Variants in SLC35F1 observed in about 807,000 individuals in gnomAD.
The protein encoded by SLC35F1 is solute carrier family 35 member F1.
A neutral mutation model predicts 48.7 loss-of-function variants in SLC35F1; 14 were observed. The observed-to-expected ratio is 0.29, with a 90% confidence interval of 0.19 to 0.45. The LOEUF (loss-of-function observed/expected upper bound fraction) is 0.45, where lower values mean the gene tolerates loss of function less well. Among genes scored for constraint, SLC35F1 ranks in the 20% least tolerant of loss-of-function variants. The pLI is 1.00. For missense variants in SLC35F1, 404 were observed against 500.0 expected (o/e 0.81, Z 1.83); for synonymous variants, 190 against 202.2 (o/e 0.94, Z 0.51).
chr6:118,134,927 T>C (rs564167351), intron 1 of SLC35F1, among the ~76,000 whole-genome samples: 132 of 152,334 alleles, frequency 8.7e-4, no homozygotes, highest in Non-Finnish European at 1.5e-3. Flanking sequence ...AAAGTTTGAA[T>C]GTTTACTTCC....
At chr6:118,015,160 A>T (rs902074798) in intron 1 of SLC35F1, among the ~76,000 whole-genome samples, 1 of 152,160 alleles carries the variant, frequency 6.6e-6, no homozygotes, top group Non-Finnish European at 1.5e-5. Context: ...CCTCCCAGCC[A>T]TGTGGAACTG....
At chr6:117,923,605 A>ATGCATATATG (rs1554216645) in intron 1 of SLC35F1, among the ~76,000 whole-genome samples, 1 of 23,226 alleles carries the variant, frequency 4.3e-5, no homozygotes, top group African/African-American at 2.1e-4. Flanking sequence ...ATGTGTATAT[A>ATGCATATATG]TACATATACA....
In SLC35F1 at chr6:117,907,799, AC is replaced by A; in HGVS notation, c.75del (p.Ile26SerfsTer31). On this transcript the variant is annotated frameshift_variant, in exon 1 of 8. Coordinates refer to ENST00000360388, the MANE Select transcript of SLC35F1 (RefSeq NM_001029858.4). LOFTEE classifies it high-confidence loss of function. ...SPAPPNHVVT[T>X]IENLPAEGSG... is the part of the protein sequence containing the mutation. ...AGCCCCGCCGAACCATGTGGTGACC[AC>A]CATCGAGAACCTGCCGGCCGAGGGC... The A allele has an allele frequency of 6.4e-7, 1 of 1,554,476 alleles. No individual in the cohort carries two copies. The highest frequency in any genetic ancestry group is 2.6e-5 in the East Asian group (1 of 38,938).
chr6:118,094,786 G>T (rs997473747), intron 1 of SLC35F1, among the ~76,000 whole-genome samples: 2 of 152,010 alleles, frequency 1.3e-5, no homozygotes. Context: ...TGGCCAACAT[G>T]GTGAAACCCT....
At chr6:118,143,041 T>C (rs907614648) in intron 1 of SLC35F1, among the ~76,000 whole-genome samples, 7 of 152,226 alleles carry the variant, frequency 4.6e-5, no homozygotes, top group East Asian at 1.9e-4. Context: ...GTTTTAATTA[T>C]GTGTGGAGAA....
intron 1 of SLC35F1, among the ~76,000 whole-genome samples, chr6:118,110,260 A>G (rs1773380140): frequency 6.6e-6 from 1 of 152,182 alleles, no homozygotes; most frequent in Non-Finnish European, 1.5e-5. Context: ...TTGAGGTCAC[A>G]GCAGAAAATG....
At chr6:118,281,210 A>C (rs1008269346) in intron 6 of SLC35F1, among the ~76,000 whole-genome samples, 28 of 147,682 alleles carry the variant, frequency 1.9e-4, no homozygotes, top group African/African-American at 3.4e-4. Flanking sequence ...CTCTCTATAT[A>C]TATATATATA....
intron 2 of SLC35F1, among the ~76,000 whole-genome samples, chr6:118,186,580 A>C (rs1774659958): frequency 6.6e-6 from 1 of 152,206 alleles, no homozygotes; most frequent in Non-Finnish European, 1.5e-5. Context: ...CATTTTGACT[A>C]AGTTTACTGG....
chr6:117,977,254 T>C (rs1215468490), intron 1 of SLC35F1, among the ~76,000 whole-genome samples: 1 of 151,024 alleles, frequency 6.6e-6, no homozygotes, highest in Non-Finnish European at 1.5e-5. Flanking sequence ...TGGAGTGCAA[T>C]GGTGCGATCT....
intron 2 of SLC35F1, among the ~76,000 whole-genome samples, chr6:118,182,320 G>A (rs1323679960): frequency 6.6e-6 from 1 of 151,302 alleles, no homozygotes; most frequent in South Asian, 2.1e-4. Flanking sequence ...AAATAAAAAA[G>A]AAAAATTTTT....
chr6:118,035,419 T>A (rs1451037800), intron 1 of SLC35F1, among the ~76,000 whole-genome samples: 4 of 150,558 alleles, frequency 2.7e-5, no homozygotes, highest in Non-Finnish European at 5.9e-5. Context: ...CCAGCCTGCT[T>A]AACATGATGA....
At chr6:118,257,733 T>G (rs1408963087) in intron 3 of SLC35F1, among the ~76,000 whole-genome samples, 1 of 152,210 alleles carries the variant, frequency 6.6e-6, no homozygotes, top group Non-Finnish European at 1.5e-5. Flanking sequence ...ATAGACATTT[T>G]ATTAGAATGA....
At chr6:118,183,934 T>G (rs1039885542) in intron 2 of SLC35F1, among the ~76,000 whole-genome samples, 3 of 152,200 alleles carry the variant, frequency 2.0e-5, no homozygotes, top group African/African-American at 7.2e-5. Context: ...GACCTTTCAT[T>G]CGTTTCCCTA....
intron 1 of SLC35F1, among the ~76,000 whole-genome samples, chr6:118,135,784 A>G (rs143044574): frequency 5.9e-5 from 9 of 152,312 alleles, no homozygotes; most frequent in Admixed American, 1.3e-4. Context: ...ATTCTCTCCA[A>G]TGTATTTCCC....
At chr6:118,298,484 C>G (rs965437196) in intron 7 of SLC35F1, among the ~76,000 whole-genome samples, 5 of 152,072 alleles carry the variant, frequency 3.3e-5, no homozygotes, top group Admixed American at 2.6e-4. Flanking sequence ...TCACAAATCC[C>G]CAGATAATGG....
At chr6:118,268,243 C>A (rs544280610) in intron 4 of SLC35F1, among the ~76,000 whole-genome samples, 3 of 152,194 alleles carry the variant, frequency 2.0e-5, no homozygotes, top group South Asian at 2.1e-4. Context: ...AACACAAGGC[C>A]CCCGGCCTCC....
At chr6:118,059,402 T>C (rs1310778468) in intron 1 of SLC35F1, among the ~76,000 whole-genome samples, 6 of 152,214 alleles carry the variant, frequency 3.9e-5, no homozygotes, top group Non-Finnish European at 8.8e-5. Context: ...CTTTCTTTTC[T>C]ATATTCTTTT....
At chr6:118,070,676 T>C (rs549344221) in intron 1 of SLC35F1, among the ~76,000 whole-genome samples, 1 of 151,510 alleles carries the variant, frequency 6.6e-6, no homozygotes, top group African/African-American at 2.4e-5. Context: ...AAATAATATG[T>C]CTTTCTTGCT....
At chr6:118,152,559 G>C (rs1407784776) in intron 1 of SLC35F1, among the ~76,000 whole-genome samples, 1 of 152,164 alleles carries the variant, frequency 6.6e-6, no homozygotes, top group Non-Finnish European at 1.5e-5. Flanking sequence ...TCACTTGTCA[G>C]GACAATGATG....
Sources: allele counts gnomAD v4.1 joint callset (sites outside exome capture counted in the v4.1 genomes callset), GRCh38; gene constraint gnomAD v4.1.1; transcripts MANE v1.5; gene names NCBI Gene and HGNC (gene_info 2026-07-23, HGNC 2026-07-21).